PTPRR: variants seen among roughly 807,000 people sequenced by gnomAD.
PTPRR encodes the protein protein tyrosine phosphatase receptor type R, also known as receptor-type tyrosine-protein phosphatase R.
In PTPRR, 38 loss-of-function variants were observed where a neutral mutation model predicts 77.2. The observed-to-expected ratio is 0.49, with a 90% CI of 0.38 to 0.65. The LOEUF (loss-of-function observed/expected upper bound fraction) is 0.65, where lower values mean the gene tolerates loss of function less well. PTPRR is among the 30% of genes least tolerant of loss of function. PTPRR has a pLI of 0.00. For missense variants in PTPRR, 744 were observed against 799.2 expected, an observed-to-expected ratio of 0.93 and a Z score of 0.83; for synonymous variants, 299 against 283.1, an observed-to-expected ratio of 1.06 and a Z score of -0.57.
At chr12:70,706,605 G>C (rs1177854109) in intron 6 of PTPRR, among the ~76,000 whole-genome samples, 1 of 152,006 alleles carries the variant, frequency 6.6e-6, no homozygotes, top group East Asian at 1.9e-4. Flanking sequence ...CCTTTTGATT[G>C]AATCTATAAA....
intron 1 of PTPRR, among the ~76,000 whole-genome samples, chr12:70,897,294 A>G (rs1893446826): frequency 1.3e-5 from 2 of 152,028 alleles, no homozygotes; most frequent in Non-Finnish European, 2.9e-5. Context: ...AATGAACTCA[A>G]ACACATTTAC....
At chr12:70,859,293 T>C (rs376305837) in intron 2 of PTPRR, among the ~76,000 whole-genome samples, 3 of 152,086 alleles carry the variant, frequency 2.0e-5, no homozygotes, top group African/African-American at 7.2e-5. Flanking sequence ...GTACTTGGGC[T>C]GCACCCCTCA....
At chr12:70,868,341 G>GA (rs1250387236) in intron 2 of PTPRR, among the ~76,000 whole-genome samples, 1,813 of 120,762 alleles carry the variant, frequency 0.015, 41 homozygotes, top group African/African-American at 0.056. Context: ...AAATTTACAA[G>GA]AAAAAAAAAA....
At chr12:70,741,103 AGTTAACCTGAG>A (rs1400739800) in intron 6 of PTPRR, among the ~76,000 whole-genome samples, 3 of 152,170 alleles carry the variant, frequency 2.0e-5, no homozygotes, top group Admixed American at 1.3e-4. Context: ...AACTGCTGGG[AGTTAACCTGAG>A]GTTAGTCATA....
chr12:70,899,456 C>T (rs181624402), intron 1 of PTPRR, among the ~76,000 whole-genome samples: 1,861 of 151,354 alleles, frequency 0.012, 27 homozygotes, highest in Non-Finnish European at 0.021. Flanking sequence ...TACTGAGAGT[C>T]TAAAGAGGAA....
intron 2 of PTPRR, among the ~76,000 whole-genome samples, chr12:70,790,948 C>T (rs1428788875): frequency 6.6e-6 from 1 of 152,148 alleles, no homozygotes; most frequent in Non-Finnish European, 1.5e-5. Context: ...TTAGCATTAC[C>T]TATCAACAAT....
intron 10 of PTPRR, among the ~76,000 whole-genome samples, chr12:70,669,749 T>C (rs1228771299): frequency 1.3e-5 from 2 of 151,912 alleles, no homozygotes; most frequent in African/African-American, 4.8e-5. Flanking sequence ...ATTCCTATCA[T>C]GGCAATGGCT....
intron 2 of PTPRR, among the ~76,000 whole-genome samples, chr12:70,891,906 T>G (rs955064295): frequency 3.3e-5 from 5 of 152,108 alleles, no homozygotes; most frequent in African/African-American, 1.2e-4. Context: ...GGAGCAGAGA[T>G]GCAATAACAA....
At chr12:70,694,432 G>C (rs1044755998) in intron 8 of PTPRR, among the ~76,000 whole-genome samples, 7 of 152,084 alleles carry the variant, frequency 4.6e-5, no homozygotes, top group African/African-American at 1.4e-4. Context: ...ATTGGATAAA[G>C]AAAATGTGGT....
chr12:70,774,539 GAAGT>G (rs2136989258), intron 2 of PTPRR, among the ~76,000 whole-genome samples: 1 of 152,314 alleles, frequency 6.6e-6, no homozygotes, highest in East Asian at 1.9e-4. Flanking sequence ...GAAGTGAGTT[GAAGT>G]AATTAGTTGA....
At chr12:70,757,251 C>G (rs1592736840) in intron 4 of PTPRR, among the ~76,000 whole-genome samples, 2 of 152,138 alleles carry the variant, frequency 1.3e-5, no homozygotes, top group African/African-American at 4.8e-5. Flanking sequence ...GCACATTGGA[C>G]TTTTATTTAA....
chr12:70,657,997 T>C lies in PTPRR; in HGVS notation c.1767-1180A>G, dbSNP rs371881809. Among the ~76,000 whole-genome samples the C allele has an allele frequency of 3.9e-5, 6 of 152,302 alleles. 1 individual carries two copies. The East Asian group carries it at 7.7e-4, about 20-fold the overall frequency. Reference sequence around the variant, plus strand: ...CATCTTTCTGAAATAGGGACTTAATTATATCATTCCCTACTCAAAACCTAT... The same window carrying C: ...CATCTTTCTGAAATAGGGACTTAATCATATCATTCCCTACTCAAAACCTAT... On this transcript the variant is annotated intron_variant, in intron 12 of 13. Coordinates refer to ENST00000283228, the MANE Select transcript of PTPRR (RefSeq NM_002849.4).
chr12:70,911,067 G>C (rs890310396), intron 1 of PTPRR, among the ~76,000 whole-genome samples: 6 of 152,110 alleles, frequency 3.9e-5, no homozygotes, highest in Admixed American at 1.3e-4. Context: ...GGGTTTTAGG[G>C]GAGTGGTGAG....
chr12:70,672,409 G>T, intron 10 of PTPRR: 2 of 1,187,026 alleles, frequency 1.7e-6, no homozygotes, highest in Non-Finnish European at 1.3e-6. Context: ...AGCAGCTGTG[G>T]TCATTGGAAA....
chr12:70,656,595 C>T lies in PTPRR; in HGVS notation c.1880+109G>A, dbSNP rs1886589997. ...CTTAAGCATTTTACAAGCATCTCTA[C>T]AGAGATTTAGGACCTTGGAGCCTGA... On this transcript the variant is annotated intron_variant, in intron 13 of 13. Transcript: ENST00000283228. 13 of 750,576 alleles carry T rather than the reference C, an allele frequency of 1.7e-5. No individual in the cohort carries two copies. In the South Asian group the frequency reaches 2.2e-4, roughly 12 times the overall value. The allele number at this position is 750,576 out of a possible 1,614,324, so 46.5% of individuals were successfully genotyped here. A position where few individuals can be genotyped will look rare whatever the true frequency, so the allele number is the denominator to read the frequency against.
chr12:70,671,903 C>T (rs988040027), intron 10 of PTPRR: 14 of 808,992 alleles, frequency 1.7e-5, no homozygotes, highest in South Asian at 1.0e-4. Flanking sequence ...GACCAGCCAC[C>T]GCCGCCAGGC....
intron 2 of PTPRR, among the ~76,000 whole-genome samples, chr12:70,839,122 C>A (rs1414991618): frequency 1.3e-5 from 2 of 152,106 alleles, no homozygotes; most frequent in African/African-American, 2.4e-5. Flanking sequence ...TGATGCTGAA[C>A]CATGTGGAAA....
At chr12:70,852,550 G>A (rs1892588430) in intron 2 of PTPRR, among the ~76,000 whole-genome samples, 1 of 152,138 alleles carries the variant, frequency 6.6e-6, no homozygotes, top group Non-Finnish European at 1.5e-5. Flanking sequence ...CCCTTCTCAG[G>A]AGAGGCTGAT....
At chr12:70,804,178 T>TGTGTGTGTGTGTGTG (rs1555176949) in intron 2 of PTPRR, among the ~76,000 whole-genome samples, 22 of 150,862 alleles carry the variant, frequency 1.5e-4, no homozygotes, top group South Asian at 4.2e-4. Context: ...TGTGTGTGTG[T>TGTGTGTGTGTGTGTG]TAAGGTTAAC....
Sources: gnomAD v4.1 joint callset for allele counts (sites outside exome capture counted in the v4.1 genomes callset) on GRCh38, gnomAD v4.1.1 for gene constraint, MANE v1.5 for transcripts, NCBI Gene and HGNC (gene_info 2026-07-23, HGNC 2026-07-21) for gene names.